The following LDB3 variants were observed in gnomAD, a reference collection of about 807,000 sequenced individuals.
LDB3 encodes LIM domain-binding protein 3.
LDB3 carries 49 observed loss-of-function variants against 69.0 expected under a neutral mutation model. That is an observed-to-expected ratio of 0.71 (90% CI 0.56 to 0.90). The LOEUF is 0.90. Ranked by LOEUF, LDB3 falls within the 40% of genes least tolerant of loss-of-function variation. The probability of loss-of-function intolerance (pLI) is 0.00; values close to 1 mark genes in which losing one functional copy is unlikely to be tolerated. For missense variants in LDB3, 928 were observed against 974.1 expected (o/e 0.95, Z 0.63); for synonymous variants, 387 against 396.2 (o/e 0.98, Z 0.28).
chr10:86,722,561 T>TCAAGCCAC (rs1272048465), intron 12 of LDB3, among the ~76,000 whole-genome samples: 1 of 92,832 alleles, frequency 1.1e-5, no homozygotes, highest in African/African-American at 4.7e-5. Context: ...TGCCTGGCCT[T>TCAAGCCAC]TTTTTTTTTT....
chr10:86,729,503 G>T (rs1847384230), intron 13 of LDB3, among the ~76,000 whole-genome samples: 1 of 152,164 alleles, frequency 6.6e-6, no homozygotes, highest in Non-Finnish European at 1.5e-5. Context: ...AGGGGCTGCT[G>T]CAGCTGGCCT....
intron 5 of LDB3, among the ~76,000 whole-genome samples, chr10:86,688,423 G>C (rs1161136026): frequency 1.3e-5 from 2 of 152,124 alleles, no homozygotes; most frequent in African/African-American, 4.8e-5. Flanking sequence ...AACAGTGTGG[G>C]CTCTCTGGGC....
At chr10:86,717,321 CT>C (rs1268549685) in intron 10 of LDB3, among the ~76,000 whole-genome samples, 12 of 152,252 alleles carry the variant, frequency 7.9e-5, no homozygotes, top group Non-Finnish European at 1.6e-4. Flanking sequence ...GAAAAATACA[CT>C]TTTATTTAAA....
intron 12 of LDB3, 95 bp downstream of exon 12, chr10:86,718,942 G>T: frequency 6.6e-7 from 1 of 1,510,268 alleles, no homozygotes; most frequent in South Asian, 1.2e-5. Context: ...ATTCACATCC[G>T]ACCACCCAGA....
At chr10:86,686,978 C>T in intron 5 of LDB3, 1 of 1,228,548 alleles carries the variant, frequency 8.1e-7, no homozygotes. Flanking sequence ...ACCCACCGCG[C>T]CCAGCCCTTG....
In LDB3 at chr10:86,668,921, G is replaced by A; in HGVS notation, c.93+137G>A. ...TGCCCCATCCCCTGGGACTGGCCTG[G>A]TCCTCTGGTCTCAGCCACAGCTGTT... On this transcript the variant is annotated intron_variant, in intron 2 of 13. Transcript: ENST00000361373. 2 of 698,836 alleles carry A rather than the reference G, an allele frequency of 2.9e-6. 1 individual carries two copies. Among genetic ancestry groups the A allele is most frequent in the South Asian group, 3.5e-5 (2 of 57,468 alleles). The allele number at this position is 698,836 out of a possible 1,614,324, so 43.3% of individuals were successfully genotyped here. A position where few individuals can be genotyped will look rare whatever the true frequency, so the allele number is the denominator to read the frequency against.
rs555375533 is a variant in LDB3, at chr10:86,718,816, C to T, written c.1947C>T (p.His649=). 1.9e-6 allele frequency: 3 copies of T among 1,614,190 alleles called. No individual in the cohort carries two copies. Among genetic ancestry groups the T allele is most frequent in the East Asian group, 2.2e-5 (1 of 44,878 alleles). Residue 649 remains histidine, a synonymous_variant, in exon 12 of 14, where the codon CAC becomes CAT. Coordinates refer to ENST00000361373, the MANE Select transcript of LDB3 (RefSeq NM_007078.3). ...CKKPFGNSLF[H]MEDGEPYCEK... ...AGCCTTTTGGGAACAGCCTCTTCCACATGGAAGACGGGGAGCCCTACTGCG... is the reference window on the plus strand; with the variant it reads ...AGCCTTTTGGGAACAGCCTCTTCCATATGGAAGACGGGGAGCCCTACTGCG...
intron 7 of LDB3, 80 bp from the exon 8 acceptor site, chr10:86,706,451 C>G: frequency 6.7e-7 from 1 of 1,485,472 alleles, no homozygotes; most frequent in Non-Finnish European, 9.3e-7. Flanking sequence ...TCTGCTGCAG[C>G]CACCTGCCCC....
chr10:86,673,144 G>C (rs1844580768), intron 2 of LDB3, among the ~76,000 whole-genome samples: 1 of 152,262 alleles, frequency 6.6e-6, no homozygotes, highest in Non-Finnish European at 1.5e-5. Flanking sequence ...CTTGCTGGGG[G>C]CCCTTGAGAG....
At chr10:86,710,191 C>T (rs559095257) in intron 9 of LDB3, 141 bp downstream of exon 9, 1 of 1,524,442 alleles carries the variant, frequency 6.6e-7, no homozygotes, top group East Asian at 2.4e-5. Context: ...GCCCTCCGTC[C>T]CCTAGCTGTG....
chr10:86,676,094 C>A (rs1466230884), intron 2 of LDB3, among the ~76,000 whole-genome samples: 1 of 152,254 alleles, frequency 6.6e-6, no homozygotes, highest in Non-Finnish European at 1.5e-5. Flanking sequence ...TTTAAGAAAT[C>A]TCAAGTAGCT....
rs533992170 is a variant in LDB3, at chr10:86,692,899, C to T, written c.896+328C>T. On this transcript the variant is annotated intron_variant, in intron 7 of 13. Coordinates refer to ENST00000361373, the MANE Select transcript of LDB3 (RefSeq NM_007078.3). Reference sequence around the variant, plus strand: ...AGGGCAACTTTCCCTGTGAGGACACCCGGCTGGCCAACTTGCCCACCCACT... The same window carrying T: ...AGGGCAACTTTCCCTGTGAGGACACTCGGCTGGCCAACTTGCCCACCCACT... Among the ~76,000 whole-genome samples the T allele has an allele frequency of 9.9e-5, 15 of 152,282 alleles. No homozygotes were observed. In the East Asian group the frequency reaches 2.7e-3, roughly 27 times the overall value.
chr10:86,704,148 A>G (rs865801862), intron 7 of LDB3, among the ~76,000 whole-genome samples: 1 of 151,824 alleles, frequency 6.6e-6, no homozygotes, highest in Non-Finnish European at 1.5e-5. Flanking sequence ...AAAGAAAGAA[A>G]GAAATGTGGA....
intron 7 of LDB3, among the ~76,000 whole-genome samples, chr10:86,696,959 A>G (rs1315086606): frequency 6.6e-6 from 1 of 152,166 alleles, no homozygotes; most frequent in Admixed American, 6.5e-5. Flanking sequence ...TGGTTTTCAA[A>G]TATGTTATAT....
At chr10:86,719,849 G>A (rs1847014108) in intron 12 of LDB3, among the ~76,000 whole-genome samples, 1 of 152,230 alleles carries the variant, frequency 6.6e-6, no homozygotes, top group Non-Finnish European at 1.5e-5. Context: ...ATAGGTGGAA[G>A]TCAGTCACTC....
intron 5 of LDB3, chr10:86,687,110 AC>A (rs1845521906): frequency 6.2e-7 from 1 of 1,614,028 alleles, no homozygotes; most frequent in Non-Finnish European, 8.5e-7. Flanking sequence ...GCCCTGAAGG[AC>A]TCGGCCCTGT....
intron 2 of LDB3, among the ~76,000 whole-genome samples, chr10:86,676,580 G>A (rs867898309): frequency 6.3e-4 from 62 of 99,164 alleles, no homozygotes; most frequent in African/African-American, 2.2e-3. Context: ...AAAAAAAAAA[G>A]AGAAAGAAAA....
intron 7 of LDB3, among the ~76,000 whole-genome samples, chr10:86,697,246 G>C (rs1028287041): frequency 1.5e-4 from 16 of 106,632 alleles, no homozygotes; most frequent in Non-Finnish European, 2.7e-4. Flanking sequence ...TTTTGAGACA[G>C]AGTCTTGCTC....
chr10:86,734,456 GT>G lies in LDB3; in HGVS notation c.*1483del, dbSNP rs1847564457. 6.6e-6 allele frequency: 1 copy of G among 152,198 alleles called. No homozygotes were observed. Among genetic ancestry groups the G allele is most frequent in the Admixed American group, 6.5e-5 (1 of 15,284 alleles). The allele number at this position is 152,198 out of a possible 1,614,324, so 9.4% of individuals were successfully genotyped here. A position where few individuals can be genotyped will look rare whatever the true frequency, so the allele number is the denominator to read the frequency against. On this transcript the variant is annotated 3_prime_UTR_variant, in exon 14 of 14. Coordinates refer to ENST00000361373, the MANE Select transcript of LDB3 (RefSeq NM_007078.3). ...CATTGAAGCAGGCACTTGCGTGGAT[GT>G]TTCTCACTTGAGCACGATATTTAGG...
Sources: gnomAD v4.1 joint callset for allele counts (sites outside exome capture counted in the v4.1 genomes callset) on GRCh38, gnomAD v4.1.1 for gene constraint, MANE v1.5 for transcripts, NCBI Gene and HGNC (gene_info 2026-07-23, HGNC 2026-07-21) for gene names.